Variants in TJP1 observed in about 807,000 individuals in gnomAD.
The protein encoded by TJP1 is tight junction protein ZO-1.
In TJP1, 43 loss-of-function variants were observed where a neutral mutation model predicts 194.2. The ratio of observed to expected loss-of-function variants is 0.22; its 90% CI spans 0.17 to 0.29. The LOEUF (loss-of-function observed/expected upper bound fraction) is 0.29, where lower values mean the gene tolerates loss of function less well. TJP1 is among the 10% of genes least tolerant of loss of function. The pLI, the probability that TJP1 is intolerant of heterozygous loss-of-function variation, is 1.00. For missense variants in TJP1, 1,971 were observed against 2,185.7 expected, an observed-to-expected ratio of 0.90 and a Z score of 1.96; for synonymous variants, 801 against 779.0, an observed-to-expected ratio of 1.03 and a Z score of -0.47.
chr15:29,825,317 A>T (rs1378925784), upstream of TJP1, among the ~76,000 whole-genome samples: 2 of 152,238 alleles, frequency 1.3e-5, no homozygotes, highest in Admixed American at 1.3e-4. Flanking sequence ...AAGAAATACA[A>T]GTTAATTAAG....
chr15:29,920,477 G>C (rs775982324), intron 2 of TJP1, among the ~76,000 whole-genome samples: 3 of 152,132 alleles, frequency 2.0e-5, no homozygotes, highest in Non-Finnish European at 4.4e-5. Flanking sequence ...CTGAAGGATG[G>C]AACAGTCTAC....
chr15:29,949,562 TCCA>T (rs1567225389), intron 2 of TJP1, among the ~76,000 whole-genome samples: 1 of 15,074 alleles, frequency 6.6e-5, no homozygotes, highest in African/African-American at 2.4e-4. Flanking sequence ...AACCACCACC[TCCA>T]CTTCCACAAC....
At chr15:29,879,568 TG>T (rs2052850033) in intron 2 of TJP1, among the ~76,000 whole-genome samples, 1 of 152,230 alleles carries the variant, frequency 6.6e-6, no homozygotes, top group Admixed American at 6.5e-5. Context: ...AAGCTAAGTC[TG>T]GGTATTCTAG....
At chr15:29,887,612 T>A (rs1302376276) in intron 2 of TJP1, among the ~76,000 whole-genome samples, 1 of 152,138 alleles carries the variant, frequency 6.6e-6, no homozygotes, top group Non-Finnish European at 1.5e-5. Flanking sequence ...ATATCAGATA[T>A]TTTAAATCAC....
chr15:29,855,301 CA>C (rs1157837326), intron 2 of TJP1, among the ~76,000 whole-genome samples: 1 of 152,118 alleles, frequency 6.6e-6, no homozygotes, highest in African/African-American at 2.4e-5. Flanking sequence ...AAGATGCTGA[CA>C]AGTTTGACAC....
intron 2 of TJP1, among the ~76,000 whole-genome samples, chr15:29,829,396 G>C (rs1377339511): frequency 6.6e-6 from 1 of 152,212 alleles, no homozygotes; most frequent in Middle Eastern, 3.4e-3. Flanking sequence ...AGGTGTGCGA[G>C]GGTGCCTGGA....
chr15:29,751,735 G>T lies in TJP1; in HGVS notation c.1011-8954C>A, dbSNP rs150576201. The stretch of plus-strand genomic sequence containing the variant: ...AGACCAATGTCACAAATCTTATTAG[G>T]ATTCTCTCAGAGAAAACAGAAAATT... On this transcript the variant is annotated intron_variant, in intron 8 of 27. Transcript: ENST00000614355. Among the ~76,000 whole-genome samples, 74 of 152,188 alleles carry T rather than the reference G, an allele frequency of 4.9e-4. No homozygotes were observed. In the East Asian group the frequency reaches 0.014, roughly 28 times the overall value.
intron 1 of TJP1, among the ~76,000 whole-genome samples, chr15:29,805,550 T>C (rs1340741644): frequency 6.6e-6 from 1 of 152,098 alleles, no homozygotes; most frequent in African/African-American, 2.4e-5. Context: ...ATTCATTCAT[T>C]CAACAAACAT....
intron 2 of TJP1, among the ~76,000 whole-genome samples, chr15:29,865,706 A>T (rs2052278733): frequency 1.3e-5 from 2 of 152,186 alleles, no homozygotes; most frequent in African/African-American, 4.8e-5. Flanking sequence ...ACATGCACCG[A>T]GCAATGTGCG....
intron 5 of TJP1, 55 bp downstream of exon 5, chr15:29,766,211 A>C (rs1316446673): frequency 4.5e-6 from 7 of 1,565,934 alleles, no homozygotes; most frequent in Non-Finnish European, 5.2e-6. Context: ...ACTTCTCATT[A>C]AAATTAGTTT....
At chr15:29,719,275 A>G (rs1447140981) in intron 20 of TJP1, 137 bp from the exon 21 acceptor site, 1 of 1,104,612 alleles carries the variant, frequency 9.1e-7, no homozygotes, top group Non-Finnish European at 1.2e-6. Flanking sequence ...AGGATAGACA[A>G]GATTAGTGGA....
intron 1 of TJP1, among the ~76,000 whole-genome samples, chr15:29,963,209 G>T (rs531537620): frequency 6.6e-6 from 1 of 152,148 alleles, no homozygotes; most frequent in Non-Finnish European, 1.5e-5. Flanking sequence ...GAGGACCTCA[G>T]TGATCCATGA....
intron 27 of TJP1, among the ~76,000 whole-genome samples, chr15:29,702,927 G>A (rs1305799201): frequency 6.6e-6 from 1 of 151,954 alleles, no homozygotes; most frequent in Non-Finnish European, 1.5e-5. Context: ...TTCGCTTAAA[G>A]TGATCTACAC....
chr15:29,802,817 T>C (rs1333747865), intron 1 of TJP1, among the ~76,000 whole-genome samples: 6 of 152,168 alleles, frequency 3.9e-5, no homozygotes, highest in Non-Finnish European at 5.9e-5. Context: ...TGACATTGTT[T>C]TACTGCCTTT....
At chr15:29,799,585 T>C (rs2151876645) in intron 2 of TJP1, among the ~76,000 whole-genome samples, 1 of 152,082 alleles carries the variant, frequency 6.6e-6, no homozygotes, top group South Asian at 2.1e-4. Context: ...TGGCTAATTT[T>C]TTTGTATTTT....
chr15:29,765,356 A>C (rs907672166), intron 5 of TJP1, among the ~76,000 whole-genome samples: 5 of 152,184 alleles, frequency 3.3e-5, no homozygotes, highest in African/African-American at 1.2e-4. Flanking sequence ...AGATCAAAGT[A>C]AGTCTTGATA....
intron 1 of TJP1, among the ~76,000 whole-genome samples, chr15:29,818,640 G>A (rs2050102418): frequency 6.6e-6 from 1 of 151,508 alleles, no homozygotes; most frequent in African/African-American, 2.4e-5. Context: ...CATTAGGGGG[G>A]ATTACAGGTG....
intron 2 of TJP1, among the ~76,000 whole-genome samples, chr15:29,917,391 T>C (rs554621823): frequency 6.6e-6 from 1 of 152,332 alleles, no homozygotes; most frequent in African/African-American, 2.4e-5. Flanking sequence ...AAAGGGTGGA[T>C]AGTACATGTG....
At chr15:29,822,665 G>T (rs1158939705), upstream of TJP1, 1 of 189,480 alleles carries the variant, frequency 5.3e-6, no homozygotes, top group Non-Finnish European at 9.8e-6. Context: ...TTCCGCTGCC[G>T]TGCGAGTCTT....
Sources: gnomAD v4.1 joint callset for allele counts (sites outside exome capture counted in the v4.1 genomes callset) on GRCh38, gnomAD v4.1.1 for gene constraint, MANE v1.5 for transcripts, NCBI Gene and HGNC (gene_info 2026-07-23, HGNC 2026-07-21) for gene names.